STRBP: variants seen among roughly 807,000 people sequenced by gnomAD.
STRBP encodes spermatid perinuclear RNA binding protein.
STRBP carries 13 observed loss-of-function variants against 80.1 expected under a neutral mutation model. The ratio of observed to expected loss-of-function variants is 0.16; its 90% CI spans 0.11 to 0.26. The LOEUF (loss-of-function observed/expected upper bound fraction) is 0.26. STRBP is among the 10% of genes least tolerant of loss of function. The pLI, the probability that STRBP is intolerant of heterozygous loss-of-function variation, is 1.00. For missense variants in STRBP, 485 were observed against 815.2 expected (o/e 0.59, Z 4.93); for synonymous variants, 284 against 291.2 (o/e 0.98, Z 0.25).
chr9:123,179,738 G>A (rs535877817), intron 3 of STRBP, among the ~76,000 whole-genome samples: 1 of 152,162 alleles, frequency 6.6e-6, no homozygotes, highest in South Asian at 2.1e-4. Context: ...AGTGAACTCT[G>A]TCTCTAAATA....
At chr9:123,235,081 T>TTATG (rs1215710297) in intron 2 of STRBP, among the ~76,000 whole-genome samples, 1 of 151,566 alleles carries the variant, frequency 6.6e-6, no homozygotes, top group Admixed American at 6.6e-5. Context: ...ATGACATACC[T>TTATG]TATGTAACCA....
At chr9:123,168,198 C>T in intron 6 of STRBP, 1 of 981,192 alleles carries the variant, frequency 1.0e-6, no homozygotes, top group South Asian at 4.7e-5. Context: ...CCAGAATTAA[C>T]ATTTATCTTG....
intron 2 of STRBP, among the ~76,000 whole-genome samples, chr9:123,188,459 G>A (rs1231999649): frequency 6.6e-6 from 1 of 152,080 alleles, no homozygotes; most frequent in Admixed American, 6.5e-5. Context: ...GGCTAACACG[G>A]TGAAACCTTG....
Position 123,123,836 on chromosome 9 carries a change from G to A in STRBP, c.*1761C>T. On this transcript the variant is annotated 3_prime_UTR_variant, in exon 19 of 19. Coordinates refer to ENST00000348403, the MANE Select transcript of STRBP (RefSeq NM_018387.5). ...CTATCAGCCATGCTTTTTCTTCTCA[G>A]TGATGGCTCTGTTTCATCCATAGGT... 1 of 985,376 alleles carries A rather than the reference G, an allele frequency of 1.0e-6. No individual in the cohort carries two copies. Among genetic ancestry groups the A allele is most frequent in the Non-Finnish European group, 1.2e-6 (1 of 829,924 alleles). The allele number at this position is 985,376 out of a possible 1,614,324, so 61.0% of individuals were successfully genotyped here.
chr9:123,109,820 G>A (rs772592394), intron 3 of STRBP: 8 of 152,184 alleles, frequency 5.3e-5, no homozygotes, highest in Non-Finnish European at 1.0e-4. Context: ...AGTCCATGGT[G>A]GTCACGGTTT....
intron 2 of STRBP, among the ~76,000 whole-genome samples, chr9:123,224,666 A>G (rs150744730): frequency 4.6e-5 from 7 of 152,386 alleles, no homozygotes; most frequent in Admixed American, 2.0e-4. Flanking sequence ...CTGATTAGGT[A>G]GACTCAAACA....
At chr9:123,120,770 G>A (rs2035720970), downstream of STRBP, among the ~76,000 whole-genome samples, 1 of 152,090 alleles carries the variant, frequency 6.6e-6, no homozygotes, top group Non-Finnish European at 1.5e-5. Flanking sequence ...TCACTTATTG[G>A]ACAGAGGTCC....
chr9:123,158,522 G>T, intron 9 of STRBP, 93 bp from the exon 10 acceptor site: 2 of 1,070,334 alleles, frequency 1.9e-6, no homozygotes, highest in Non-Finnish European at 2.7e-6. Flanking sequence ...AGAATGAAGA[G>T]AAAATGAAAA....
downstream of STRBP, among the ~76,000 whole-genome samples, chr9:123,117,844 T>C (rs933534611): frequency 1.3e-5 from 2 of 152,170 alleles, no homozygotes; most frequent in Non-Finnish European, 2.9e-5. Flanking sequence ...AACACATACC[T>C]CAGATTTCAC....
chr9:123,234,714 C>T (rs2040500154), intron 2 of STRBP, among the ~76,000 whole-genome samples: 1 of 152,146 alleles, frequency 6.6e-6, no homozygotes, highest in Admixed American at 6.5e-5. Context: ...AATCCCAGCA[C>T]ATTGGGAAGT....
chr9:123,179,960 T>C (rs1375757226), intron 3 of STRBP, among the ~76,000 whole-genome samples: 1 of 151,970 alleles, frequency 6.6e-6, no homozygotes, highest in Non-Finnish European at 1.5e-5. Flanking sequence ...CTTAGAAAAT[T>C]GAGATTTCAG....
At chr9:123,228,284 C>G (rs1171121789) in intron 2 of STRBP, among the ~76,000 whole-genome samples, 1 of 151,888 alleles carries the variant, frequency 6.6e-6, no homozygotes, top group Non-Finnish European at 1.5e-5. Context: ...CTCGGAAGGA[C>G]AAAAAGAAGA....
intron 1 of STRBP, among the ~76,000 whole-genome samples, chr9:123,248,880 C>T (rs2040855991): frequency 1.3e-5 from 2 of 152,188 alleles, no homozygotes; most frequent in South Asian, 2.1e-4. Flanking sequence ...CTATAAACTA[C>T]TAAAGAGAAG....
chr9:123,158,469 G>A, intron 9 of STRBP, 40 bp from the exon 10 acceptor site: 1 of 1,573,042 alleles, frequency 6.4e-7, no homozygotes. Context: ...TTAGAACTGA[G>A]TTTAGAATTC....
intron 1 of STRBP, among the ~76,000 whole-genome samples, chr9:123,262,457 G>A (rs2041178669): frequency 6.6e-6 from 1 of 152,218 alleles, no homozygotes; most frequent in Admixed American, 6.5e-5. Context: ...TGCAGGTGCA[G>A]TAAGAAACAT....
At chr9:123,219,875 T>C (rs1438269404) in intron 2 of STRBP, among the ~76,000 whole-genome samples, 1 of 152,206 alleles carries the variant, frequency 6.6e-6, no homozygotes, top group Non-Finnish European at 1.5e-5. Flanking sequence ...CAGCTCTCAA[T>C]ATTAACAATG....
intron 4 of STRBP, among the ~76,000 whole-genome samples, chr9:123,176,068 T>C (rs2038205307): frequency 6.6e-6 from 1 of 152,254 alleles, no homozygotes; most frequent in Non-Finnish European, 1.5e-5. Flanking sequence ...AATACCTTTC[T>C]CACAGAGTGG....
intron 1 of STRBP, among the ~76,000 whole-genome samples, chr9:123,262,429 G>T (rs1413848968): frequency 1.3e-5 from 2 of 152,174 alleles, no homozygotes; most frequent in Non-Finnish European, 2.9e-5. Flanking sequence ...CTGGAAAACT[G>T]CAAAGAACAG....
chr9:123,233,578 T>C (rs1277991134), intron 2 of STRBP, among the ~76,000 whole-genome samples: 2 of 152,244 alleles, frequency 1.3e-5, no homozygotes, highest in African/African-American at 2.4e-5. Flanking sequence ...AAAGATAATG[T>C]TAATTGCAGA....
Sources: gnomAD v4.1 joint callset for allele counts (sites outside exome capture counted in the v4.1 genomes callset) on GRCh38, gnomAD v4.1.1 for gene constraint, MANE v1.5 for transcripts, NCBI Gene and HGNC (gene_info 2026-07-23, HGNC 2026-07-21) for gene names.